ATP6V1A: variants seen among roughly 807,000 people sequenced by gnomAD.
ATP6V1A encodes the protein ATPase H+ transporting V1 subunit A.
ATP6V1A carries 18 observed loss-of-function variants against 70.1 expected under a neutral mutation model. The ratio of observed to expected loss-of-function variants is 0.26; its 90% CI spans 0.18 to 0.38. The LOEUF is 0.38. Among genes scored for constraint, ATP6V1A ranks in the 10% least tolerant of loss-of-function variants. The pLI is 1.00. For missense variants in ATP6V1A, 424 were observed against 772.4 expected (o/e 0.55, Z 5.35); for synonymous variants, 232 against 253.8 (o/e 0.91, Z 0.82).
At chr3:113,778,265 G>A (rs530480176) in intron 1 of ATP6V1A, among the ~76,000 whole-genome samples, 2 of 152,108 alleles carry the variant, frequency 1.3e-5, no homozygotes, top group Non-Finnish European at 2.9e-5. Context: ...ATGGTCACGT[G>A]CACCTGTAAT....
At chr3:113,770,545 G>A (rs1708824953) in intron 1 of ATP6V1A, among the ~76,000 whole-genome samples, 1 of 152,046 alleles carries the variant, frequency 6.6e-6, no homozygotes, top group African/African-American at 2.4e-5. Context: ...CAGGCATGGT[G>A]GCTCGTGCCT....
intron 13 of ATP6V1A, among the ~76,000 whole-genome samples, chr3:113,804,658 C>G (rs981068682): frequency 6.6e-6 from 1 of 152,166 alleles, no homozygotes; most frequent in African/African-American, 2.4e-5. Context: ...GAAATCTGCT[C>G]TACTGGGAAC....
chr3:113,782,039 A>C (rs1446047104), intron 3 of ATP6V1A, among the ~76,000 whole-genome samples: 2 of 152,212 alleles, frequency 1.3e-5, no homozygotes, highest in Non-Finnish European at 2.9e-5. Flanking sequence ...GTGAAGAAGA[A>C]CCACTTTTTT....
chr3:113,772,109 T>G (rs974727797), intron 1 of ATP6V1A, among the ~76,000 whole-genome samples: 16 of 152,166 alleles, frequency 1.1e-4, no homozygotes, highest in African/African-American at 3.6e-4. Flanking sequence ...CTGGAGTGAT[T>G]GTTGCTTGTG....
intron 1 of ATP6V1A, among the ~76,000 whole-genome samples, chr3:113,766,337 C>G (rs1298027235): frequency 6.6e-6 from 1 of 151,970 alleles, no homozygotes; most frequent in East Asian, 1.9e-4. Context: ...GCTCTGTCAC[C>G]CAGGCTGGAG....
At chr3:113,747,386 G>A (rs1369187110) in intron 1 of ATP6V1A, 1 of 152,340 alleles carries the variant, frequency 6.6e-6, no homozygotes, top group Non-Finnish European at 1.5e-5. Context: ...TGGGGCTTCG[G>A]GTAGCAGATT....
chr3:113,797,361 T>A (rs1370242265), intron 11 of ATP6V1A, among the ~76,000 whole-genome samples: 2 of 152,076 alleles, frequency 1.3e-5, no homozygotes, highest in African/African-American at 4.8e-5. Flanking sequence ...CAAGCAATTC[T>A]TCCTCCTCAG....
intron 8 of ATP6V1A, among the ~76,000 whole-genome samples, chr3:113,792,800 T>C (rs1709110104): frequency 6.6e-6 from 1 of 152,252 alleles, no homozygotes; most frequent in African/African-American, 2.4e-5. Flanking sequence ...CACGTTCTTA[T>C]GATAATTATC....
intron 1 of ATP6V1A, among the ~76,000 whole-genome samples, chr3:113,771,026 C>T (rs964676481): frequency 4.0e-5 from 6 of 148,918 alleles, no homozygotes; most frequent in East Asian, 2.0e-4. Context: ...ACCTGGGAGA[C>T]GGAGATTGCT....
chr3:113,804,435 C>CT (rs1709252761), intron 13 of ATP6V1A, among the ~76,000 whole-genome samples: 1 of 152,098 alleles, frequency 6.6e-6, no homozygotes, highest in Non-Finnish European at 1.5e-5. Context: ...TCAGTGCTTT[C>CT]TTTTTTTCAT....
chr3:113,776,243 C>G (rs754524888), intron 1 of ATP6V1A, among the ~76,000 whole-genome samples: 9 of 147,738 alleles, frequency 6.1e-5, no homozygotes, highest in Non-Finnish European at 3.0e-5. Flanking sequence ...CTTGTCATGC[C>G]AACTACTGGG....
chr3:113,802,516 A>T (rs1709225409), intron 12 of ATP6V1A, among the ~76,000 whole-genome samples: 1 of 152,058 alleles, frequency 6.6e-6, no homozygotes, highest in African/African-American at 2.4e-5. Context: ...TTTAGTAGAG[A>T]CGGGGTTTCC....
intron 1 of ATP6V1A, among the ~76,000 whole-genome samples, chr3:113,769,365 A>T (rs929751556): frequency 3.5e-4 from 54 of 152,182 alleles, no homozygotes; most frequent in South Asian, 1.2e-3. Flanking sequence ...AATCTTTTTT[A>T]AAAAAAATCT....
intron 7 of ATP6V1A, among the ~76,000 whole-genome samples, 190 bp from the exon 8 acceptor site, chr3:113,789,542 A>G (rs1709070200): frequency 6.6e-6 from 1 of 152,162 alleles, no homozygotes; most frequent in South Asian, 2.1e-4. Context: ...AAATTGAAAT[A>G]ATGTCTATCT....
chr3:113,794,086 C>A (rs984322655), intron 8 of ATP6V1A, among the ~76,000 whole-genome samples: 2 of 152,138 alleles, frequency 1.3e-5, no homozygotes, highest in South Asian at 2.1e-4. Flanking sequence ...GGAACTAGAA[C>A]CCAACACTCG....
At chr3:113,786,831 C>T (rs1709044870) in intron 6 of ATP6V1A, among the ~76,000 whole-genome samples, 1 of 151,146 alleles carries the variant, frequency 6.6e-6, no homozygotes, top group South Asian at 2.1e-4. Context: ...GGCTAGAGTG[C>T]AGTGGCATGA....
At chr3:113,747,965 G>T (rs533269470) in intron 1 of ATP6V1A, among the ~76,000 whole-genome samples, 1 of 152,296 alleles carries the variant, frequency 6.6e-6, no homozygotes, top group African/African-American at 2.4e-5. Context: ...ATGCTTAAAG[G>T]TAGAATCAAG....
At chr3:113,776,194 A>G (rs1186390469) in intron 1 of ATP6V1A, among the ~76,000 whole-genome samples, 1 of 152,054 alleles carries the variant, frequency 6.6e-6, no homozygotes, top group Non-Finnish European at 1.5e-5. Context: ...CCCTGTCTCT[A>G]CAATAAATGT....
intron 12 of ATP6V1A, 88 bp from the exon 13 acceptor site, chr3:113,803,495 T>G: frequency 1.0e-6 from 1 of 955,034 alleles, no homozygotes; most frequent in Non-Finnish European, 1.6e-6. Context: ...TGGTGGAAAC[T>G]ATATAATAGT....
Sources: gnomAD v4.1 joint callset for allele counts (sites outside exome capture counted in the v4.1 genomes callset) on GRCh38, gnomAD v4.1.1 for gene constraint, MANE v1.5 for transcripts, NCBI Gene and HGNC (gene_info 2026-07-23, HGNC 2026-07-21) for gene names.